The following IGF1R variants were observed in gnomAD, a reference collection of about 807,000 sequenced individuals.
The protein encoded by IGF1R is insulin like growth factor 1 receptor, also known as insulin-like growth factor 1 receptor.
Under a neutral mutation model 144.6 loss-of-function variants are expected in IGF1R, and 44 were observed. The observed-to-expected ratio is 0.30, with a 90% CI of 0.24 to 0.39. IGF1R has a LOEUF of 0.39. Among genes scored for constraint, IGF1R ranks in the 10% least tolerant of loss-of-function variants. The probability of loss-of-function intolerance (pLI) is 1.00; values close to 1 mark genes in which losing one functional copy is unlikely to be tolerated. For synonymous variants in IGF1R, 795 were observed against 722.8 expected (o/e 1.10, Z -1.60); for missense variants, 1,355 against 1,833.7 (o/e 0.74, Z 4.77).
At chr15:98,817,258 T>C (rs751182674) in intron 2 of IGF1R, among the ~76,000 whole-genome samples, 2 of 151,860 alleles carry the variant, frequency 1.3e-5, no homozygotes, top group Non-Finnish European at 2.9e-5. Context: ...GTGGAGATCA[T>C]GCCACTGCAC....
chr15:98,765,442 G>T (rs1204462986), intron 2 of IGF1R, among the ~76,000 whole-genome samples: 5 of 150,562 alleles, frequency 3.3e-5, no homozygotes, highest in Non-Finnish European at 5.9e-5. Context: ...CCAAGTAGCT[G>T]GGGCCACAGG....
chr15:98,660,728 A>G (rs1475063130), intron 1 of IGF1R: 1 of 152,228 alleles, frequency 6.6e-6, no homozygotes, highest in Non-Finnish European at 1.5e-5. Context: ...GAACTCCTGG[A>G]AGGGTAATTT....
Position 98,961,805 on chromosome 15 carries a change from C to T in IGF1R, c.*4363C>T, listed in dbSNP as rs1414494496. The T allele has an allele frequency of 5.6e-5, 13 of 233,258 alleles. No individual in the cohort carries two copies. Among genetic ancestry groups the T allele is most frequent in the Admixed American group, 1.1e-4 (2 of 17,780 alleles). 14.4% of individuals were successfully genotyped at this position (233,258 alleles called of 1,614,324 possible). On this transcript the variant is annotated 3_prime_UTR_variant, in exon 21 of 21. Coordinates refer to ENST00000650285, the MANE Select transcript of IGF1R (RefSeq NM_000875.5). The stretch of plus-strand genomic sequence containing the variant: ...CATGACGTTTGACATACCTTTGGAA[C>T]GAGCCTCCTCCTTGGAAGATGGAAG...
At chr15:98,786,953 T>C (rs1165179212) in intron 2 of IGF1R, among the ~76,000 whole-genome samples, 1 of 152,196 alleles carries the variant, frequency 6.6e-6, no homozygotes, top group African/African-American at 2.4e-5. Context: ...TGAGGATTGC[T>C]CAGAGCCTGG....
At chr15:98,840,874 T>G (rs1210301173) in intron 2 of IGF1R, among the ~76,000 whole-genome samples, 1 of 152,180 alleles carries the variant, frequency 6.6e-6, no homozygotes, top group South Asian at 2.1e-4. Flanking sequence ...AGAGACGGGG[T>G]TTCACCATGT....
rs140463146 is a variant in IGF1R, at chr15:98,958,062, C to T, written c.*620C>T. ...TCCTGAACTTTCTCCCTCATCGGCC[C>T]GGCGCTGATTCCTCGTGTCCGGAGG... On this transcript the variant is annotated 3_prime_UTR_variant, in exon 21 of 21. Coordinates refer to ENST00000650285, the MANE Select transcript of IGF1R (RefSeq NM_000875.5). The T allele has an allele frequency of 6.1e-4, 143 of 234,192 alleles. No individual in the cohort carries two copies. Among genetic ancestry groups the T allele is most frequent in the African/African-American group, 2.8e-3 (126 of 45,408 alleles). The allele number at this position is 234,192 out of a possible 1,614,324, so 14.5% of individuals were successfully genotyped here. A position where few individuals can be genotyped will look rare whatever the true frequency, so the allele number is the denominator to read the frequency against.
chr15:98,906,872 C>T (rs1377468128), intron 5 of IGF1R, among the ~76,000 whole-genome samples: 2 of 152,228 alleles, frequency 1.3e-5, no homozygotes, highest in East Asian at 3.8e-4. Context: ...TTTCGACTCA[C>T]TTGTGTGCTC....
intron 2 of IGF1R, among the ~76,000 whole-genome samples, chr15:98,727,091 A>G (rs1258480073): frequency 1.3e-5 from 2 of 152,210 alleles, no homozygotes; most frequent in African/African-American, 4.8e-5. Flanking sequence ...TGTTTGGTTC[A>G]TTTTTAACTA....
chr15:98,699,088 C>G (rs10438474), intron 1 of IGF1R, among the ~76,000 whole-genome samples: 1 of 152,194 alleles, frequency 6.6e-6, no homozygotes, highest in Non-Finnish European at 1.5e-5. Context: ...TTGAAAGTCA[C>G]GAGAGAGAGG....
intron 19 of IGF1R, among the ~76,000 whole-genome samples, chr15:98,943,846 C>T (rs897900013): frequency 2.0e-5 from 3 of 152,172 alleles, no homozygotes; most frequent in African/African-American, 4.8e-5. Flanking sequence ...TCTGGATGAC[C>T]GCATAGAGGA....
In IGF1R at chr15:98,707,363, T is replaced by C. The variant is rs544419183; in HGVS notation, c.95-199T>C. Among the ~76,000 whole-genome samples, 1 of 152,350 alleles carries C rather than the reference T, an allele frequency of 6.6e-6. No homozygotes were observed. The highest frequency in any genetic ancestry group is 2.1e-4 in the South Asian group (1 of 4,830). ...TGTTGCACAGCGTCTGGTCCAGTGT[T>C]GGCACTGTATAAATGCCAGCTAACT... On this transcript the variant is annotated intron_variant, in intron 1 of 20. Coordinates refer to ENST00000650285, the MANE Select transcript of IGF1R (RefSeq NM_000875.5). The surrounding 1 kb of genome is among the most constrained non-coding windows in gnomAD (Gnocchi z 6.7).
At chr15:98,698,856 C>T (rs1020404449) in intron 1 of IGF1R, among the ~76,000 whole-genome samples, 4 of 152,216 alleles carry the variant, frequency 2.6e-5, no homozygotes, top group Admixed American at 6.5e-5. Flanking sequence ...AGTGGGATTT[C>T]TACACTGTTA....
At chr15:98,832,374 T>A (rs1419730736) in intron 2 of IGF1R, among the ~76,000 whole-genome samples, 1 of 152,116 alleles carries the variant, frequency 6.6e-6, no homozygotes. Flanking sequence ...TTCCAGGAGC[T>A]CATTATGTTT....
intron 2 of IGF1R, among the ~76,000 whole-genome samples, chr15:98,814,858 A>G (rs1438466656): frequency 6.6e-6 from 1 of 152,238 alleles, no homozygotes; most frequent in Non-Finnish European, 1.5e-5. Flanking sequence ...TACTGGAAAC[A>G]GGAAGAAGAC....
intron 1 of IGF1R, among the ~76,000 whole-genome samples, chr15:98,667,374 T>C (rs573281815): frequency 6.6e-6 from 1 of 152,272 alleles, no homozygotes; most frequent in African/African-American, 2.4e-5. Context: ...GACTGCCTCA[T>C]TACAGAGGGG....
chr15:98,657,661 A>G (rs1043080822), intron 1 of IGF1R, among the ~76,000 whole-genome samples: 4 of 152,208 alleles, frequency 2.6e-5, no homozygotes, highest in Non-Finnish European at 5.9e-5. Context: ...TTAGGTCACA[A>G]CATGATATCG....
rs552337129 is a variant in IGF1R at position 98,908,973 on chromosome 15, G to A, written c.1462+74G>A. On this transcript the variant is annotated intron_variant, in intron 6 of 20. Coordinates refer to ENST00000650285, the MANE Select transcript of IGF1R (RefSeq NM_000875.5). ...GCAGACCCTCCTCCCATGTGTGATG[G>A]CAGCTTTCCTCTGCGGCCCCTCCTG... is the stretch of plus-strand genomic sequence containing the variant. 9 of 1,365,114 alleles carry A rather than the reference G, an allele frequency of 6.6e-6. No individual in the cohort carries two copies. The East Asian group carries it at 2.2e-4, about 33-fold the overall frequency. 84.6% of individuals were successfully genotyped at this position (1,365,114 alleles called of 1,614,324 possible). A position where few individuals can be genotyped will look rare whatever the true frequency, so the allele number is the denominator to read the frequency against.
intron 2 of IGF1R, among the ~76,000 whole-genome samples, chr15:98,835,477 T>C (rs140575694): frequency 3.9e-5 from 6 of 152,338 alleles, no homozygotes; most frequent in African/African-American, 1.4e-4. Flanking sequence ...AGTAATTGTT[T>C]CTCTCGACAG....
chr15:98,933,820 G>A (rs2016035803), intron 15 of IGF1R, among the ~76,000 whole-genome samples: 1 of 152,026 alleles, frequency 6.6e-6, no homozygotes, highest in Admixed American at 6.6e-5. Context: ...GTCCACGCTG[G>A]GCACCACCGG....
Sources: allele counts gnomAD v4.1 joint callset (sites outside exome capture counted in the v4.1 genomes callset), GRCh38; gene constraint gnomAD v4.1.1; non-coding constraint Gnocchi (gnomAD v3.1); transcripts MANE v1.5; gene names NCBI Gene and HGNC (gene_info 2026-07-23, HGNC 2026-07-21).